The following ZFAND3 variants were observed in gnomAD, a reference collection of about 807,000 sequenced individuals.
The protein encoded by ZFAND3 is zinc finger AN1-type containing 3.
ZFAND3 carries 10 observed loss-of-function variants against 29.6 expected under a neutral mutation model. The observed-to-expected ratio is 0.34, with a 90% confidence interval of 0.21 to 0.57. The LOEUF (loss-of-function observed/expected upper bound fraction) is 0.57, where lower values mean the gene tolerates loss of function less well. Among genes scored for constraint, ZFAND3 ranks in the 20% least tolerant of loss-of-function variants. The probability of loss-of-function intolerance (pLI) is 0.86; values close to 1 mark genes in which losing one functional copy is unlikely to be tolerated. For synonymous variants in ZFAND3, 128 were observed against 112.6 expected (o/e 1.14, Z -0.87); for missense variants, 230 against 304.5 (o/e 0.76, Z 1.82).
At chr6:38,083,462 CT>C (rs796935256) in intron 4 of ZFAND3, among the ~76,000 whole-genome samples, 2 of 151,820 alleles carry the variant, frequency 1.3e-5, no homozygotes. Flanking sequence ...GAGTAGATTT[CT>C]TTTTTTTACT....
At chr6:37,942,737 T>G (rs1420835315) in intron 2 of ZFAND3, among the ~76,000 whole-genome samples, 1 of 152,196 alleles carries the variant, frequency 6.6e-6, no homozygotes, top group Admixed American at 6.5e-5. Flanking sequence ...TGTTTCTGAA[T>G]AGACCATAGG....
rs765646091 is a variant in ZFAND3, at chr6:38,061,794, A to C, written c.295+19A>C. 4 of 1,613,410 alleles carry C rather than the reference A, an allele frequency of 2.5e-6. No individual in the cohort carries two copies. The Admixed American group carries it at 5.0e-5, about 20-fold the overall frequency. ...GAGGAGTGTAAGTGTCTGGCTTCTG[A>C]GGGGTGGTAGAGAGAGCAGCTTAAG... is the stretch of plus-strand genomic sequence containing the variant. On this transcript the variant is annotated intron_variant, in intron 3 of 5. Transcript: ENST00000287218.
intron 1 of ZFAND3, among the ~76,000 whole-genome samples, chr6:37,913,736 GT>G (rs1761173635): frequency 9.7e-6 from 1 of 103,316 alleles, no homozygotes; most frequent in Non-Finnish European, 2.2e-5. Flanking sequence ...TTGAGACAGA[GT>G]TTTGCTCTTG....
At chr6:37,999,448 A>G (rs540588189) in intron 2 of ZFAND3, among the ~76,000 whole-genome samples, 1 of 152,284 alleles carries the variant, frequency 6.6e-6, no homozygotes, top group South Asian at 2.1e-4. Flanking sequence ...AAGGGAGGGA[A>G]AGTAACTTTA....
intron 2 of ZFAND3, among the ~76,000 whole-genome samples, chr6:37,940,541 CTA>C (rs1019344610): frequency 2.0e-5 from 3 of 152,036 alleles, no homozygotes; most frequent in Non-Finnish European, 2.9e-5. Flanking sequence ...ACAGTCTTAA[CTA>C]TTTTTTTTTT....
intron 3 of ZFAND3, among the ~76,000 whole-genome samples, chr6:38,074,587 T>C (rs960089003): frequency 1.3e-5 from 2 of 152,172 alleles, no homozygotes; most frequent in African/African-American, 4.8e-5. Flanking sequence ...GCCATCTCCA[T>C]AAAAGTGCAA....
At chr6:37,931,953 T>A (rs1297770085) in intron 2 of ZFAND3, among the ~76,000 whole-genome samples, 1 of 152,168 alleles carries the variant, frequency 6.6e-6, no homozygotes, top group Non-Finnish European at 1.5e-5. Flanking sequence ...ATTCAGCTTT[T>A]AGCAGTATTT....
At chr6:38,129,393 C>G (rs1352376034) in intron 5 of ZFAND3, among the ~76,000 whole-genome samples, 1 of 152,096 alleles carries the variant, frequency 6.6e-6, no homozygotes, top group East Asian at 1.9e-4. Flanking sequence ...TCATGAAATC[C>G]TTGCCTAAGC....
intron 5 of ZFAND3, among the ~76,000 whole-genome samples, chr6:38,126,164 A>G (rs985188384): frequency 2.3e-4 from 35 of 152,194 alleles, no homozygotes; most frequent in African/African-American, 8.4e-4. Context: ...CTTTTCTACA[A>G]TTTTAATATC....
intron 5 of ZFAND3, among the ~76,000 whole-genome samples, chr6:38,130,874 A>G (rs922503906): frequency 2.0e-5 from 3 of 152,094 alleles, no homozygotes; most frequent in African/African-American, 7.2e-5. Context: ...AATAGTGTCA[A>G]TAGGATTAGT....
intron 1 of ZFAND3, among the ~76,000 whole-genome samples, chr6:37,821,078 A>C (rs1581686406): frequency 6.6e-6 from 1 of 152,248 alleles, no homozygotes; most frequent in African/African-American, 2.4e-5. Flanking sequence ...TAGAGGCAGG[A>C]AGGAAGATTG....
intron 2 of ZFAND3, among the ~76,000 whole-genome samples, chr6:38,038,556 A>G (rs116664450): frequency 6.6e-6 from 1 of 152,180 alleles, no homozygotes; most frequent in African/African-American, 2.4e-5. Flanking sequence ...TTAGGCCCCC[A>G]GGAGGATATT....
chr6:37,909,297 T>A (rs1765476408), intron 1 of ZFAND3, among the ~76,000 whole-genome samples: 2 of 151,270 alleles, frequency 1.3e-5, no homozygotes, highest in Middle Eastern at 3.2e-3. Context: ...TTTTCTTTTT[T>A]GAGACGGAGT....
intron 1 of ZFAND3, among the ~76,000 whole-genome samples, chr6:37,849,431 G>A (rs553612009): frequency 4.4e-4 from 67 of 152,130 alleles, no homozygotes; most frequent in Non-Finnish European, 7.6e-4. Context: ...TTTTTGAGAC[G>A]GAGTTTTGCT....
chr6:37,977,779 T>TG (rs915896285), intron 2 of ZFAND3, among the ~76,000 whole-genome samples: 2 of 146,608 alleles, frequency 1.4e-5, no homozygotes, highest in African/African-American at 5.1e-5. Context: ...AGTTTTTTGT[T>TG]TTTTTTTTTT....
intron 2 of ZFAND3, among the ~76,000 whole-genome samples, chr6:38,045,830 A>G (rs530585101): frequency 3.8e-4 from 58 of 152,346 alleles, no homozygotes; most frequent in African/African-American, 1.3e-3. Context: ...ATATATAAAC[A>G]TCTATATAAT....
At chr6:37,896,514 T>TTTTTTCTTTCTTTC in intron 1 of ZFAND3, among the ~76,000 whole-genome samples, 1 of 109,178 alleles carries the variant, frequency 9.2e-6, no homozygotes, top group South Asian at 3.3e-4. Flanking sequence ...TTCCTCTTTC[T>TTTTTTCTTTCTTTC]TTTCTTTCTT....
intron 1 of ZFAND3, among the ~76,000 whole-genome samples, chr6:37,881,998 ACTT>A (rs1244861821): frequency 6.6e-6 from 1 of 152,076 alleles, no homozygotes; most frequent in Non-Finnish European, 1.5e-5. Context: ...TGTTCTTTTC[ACTT>A]CTTAATAGCC....
intron 2 of ZFAND3, among the ~76,000 whole-genome samples, chr6:38,002,147 C>T (rs1048159632): frequency 1.3e-5 from 2 of 152,210 alleles, no homozygotes; most frequent in Admixed American, 6.5e-5. Flanking sequence ...TTCATGCGTA[C>T]TAAGCCTATA....
Sources: gnomAD v4.1 joint callset for allele counts (sites outside exome capture counted in the v4.1 genomes callset) on GRCh38, gnomAD v4.1.1 for gene constraint, MANE v1.5 for transcripts, NCBI Gene and HGNC (gene_info 2026-07-23, HGNC 2026-07-21) for gene names.